Variants in ZNF480 observed in about 807,000 individuals in gnomAD.
The protein encoded by ZNF480 is zinc finger protein 480.
ZNF480 carries 15 observed loss-of-function variants against 14.4 expected under a neutral mutation model. The ratio of observed to expected loss-of-function variants is 1.04; its 90% confidence interval spans 0.70 to 1.60. The LOEUF (loss-of-function observed/expected upper bound fraction) is 1.60. ZNF480 is among the 40% of genes most tolerant of loss of function. The pLI, the probability that ZNF480 is intolerant of heterozygous loss-of-function variation, is 0.00. For missense variants in ZNF480, 593 were observed against 629.7 expected (o/e 0.94, Z 0.62); for synonymous variants, 218 against 215.5 (o/e 1.01, Z -0.10).
In ZNF480 at chr19:52,314,286, A is replaced by T. The variant is rs779443199; in HGVS notation, c.199+7A>T. 4 of 1,532,516 alleles carry T rather than the reference A, an allele frequency of 2.6e-6. No individual in the cohort carries two copies. In the African/African-American group the frequency reaches 4.2e-5, roughly 16 times the overall value. The allele number at this position is 1,532,516 out of a possible 1,614,324, so 94.9% of individuals were successfully genotyped here. The stretch of plus-strand genomic sequence containing the variant: ...AGGAACCTGGTCTCCCTGGGTGAGG[A>T]TCATGCCCCTGCAGAAGCCGGGATC... On this transcript the variant is annotated splice_region_variant and intron_variant, in intron 3 of 4. Coordinates refer to ENST00000595962, the MANE Select transcript of ZNF480 (RefSeq NM_144684.4).
At chr19:52,321,496 G>A in intron 4 of ZNF480, 83 bp from the exon 5 acceptor site, 4 of 1,183,900 alleles carry the variant, frequency 3.4e-6, no homozygotes, top group South Asian at 1.6e-5. Context: ...TGAGTCAGAT[G>A]AGGCAGATTC....
intron 4 of ZNF480, among the ~76,000 whole-genome samples, chr19:52,319,816 T>TG (rs1217307825): frequency 3.3e-4 from 32 of 98,406 alleles, no homozygotes; most frequent in African/African-American, 1.0e-3. Context: ...ACTGTGTTTT[T>TG]TTTTTTTTTT....
Position 52,325,139 on chromosome 19 carries a change from T to C in ZNF480, c.*2281T>C, listed in dbSNP as rs1984033803. On this transcript the variant is annotated 3_prime_UTR_variant, in exon 5 of 5. Coordinates refer to ENST00000595962, the MANE Select transcript of ZNF480 (RefSeq NM_144684.4). ...CCTTTCTCAAAAGAATACATACATG[T>C]GGCAATAAGCATATGAAAAAAATGG... The C allele has an allele frequency of 6.6e-6, 1 of 152,162 alleles. No individual in the cohort carries two copies. Among genetic ancestry groups the C allele is most frequent in the African/African-American group, 2.4e-5 (1 of 41,432 alleles). The allele number at this position is 152,162 out of a possible 1,614,324, so 9.4% of individuals were successfully genotyped here.
chr19:52,300,639 G>A (rs534530199), intron 2 of ZNF480, 155 bp downstream of exon 2: 49 of 1,315,656 alleles, frequency 3.7e-5, no homozygotes, highest in Non-Finnish European at 4.6e-5. Context: ...CAGCTTGGTC[G>A]TGGGGACCCT....
rs986652085 is a variant in ZNF480 at position 52,324,455 on chromosome 19, C to T, written c.*1597C>T. ...AAAACATTCTGAAATTTATTTGGAA[C>T]CAGAAAAGCCCAACCTAAATAGCAA... On this transcript the variant is annotated 3_prime_UTR_variant, in exon 5 of 5. Coordinates refer to ENST00000595962, the MANE Select transcript of ZNF480 (RefSeq NM_144684.4). 3.3e-5 allele frequency: 5 copies of T among 152,042 alleles called. No individual in the cohort carries two copies. The highest frequency in any genetic ancestry group is 3.3e-4 in the Admixed American group (5 of 15,238). The allele number at this position is 152,042 out of a possible 1,614,324, so 9.4% of individuals were successfully genotyped here. A position where few individuals can be genotyped will look rare whatever the true frequency, so the allele number is the denominator to read the frequency against.
intron 2 of ZNF480, among the ~76,000 whole-genome samples, chr19:52,310,974 C>A (rs1370656346): frequency 7.4e-6 from 1 of 135,230 alleles, no homozygotes; most frequent in East Asian, 2.1e-4. Context: ...CACTGGACTC[C>A]AGCCTGGGTG....
chr19:52,300,430 A>G lies in ZNF480; in HGVS notation c.18A>G (p.Lys6=). The change falls in exon 2 of 5, where the codon AAA becomes AAG. Residue 6 remains lysine (K), a synonymous_variant. Transcript: ENST00000595962. Reference sequence around the variant, plus strand: ...AAAGAGTCATGCTGTGTGATGAAAAAGCCCAGAAGAGAAGGAAGAGGAAAG... The same window carrying G: ...AAAGAGTCATGCTGTGTGATGAAAAGGCCCAGAAGAGAAGGAAGAGGAAAG... MLCDE[K]AQKRRKRKAK... 1.9e-6 allele frequency: 3 copies of G among 1,613,338 alleles called. No homozygotes were observed. The highest frequency in any genetic ancestry group is 2.5e-6 in the Non-Finnish European group (3 of 1,179,794).
intron 2 of ZNF480, chr19:52,301,762 C>A (rs933581949): frequency 6.6e-6 from 1 of 152,002 alleles, no homozygotes; most frequent in Non-Finnish European, 1.5e-5. Context: ...AATGAAACAC[C>A]GAGAGTACCT....
rs1189721337 is a variant in ZNF480, at chr19:52,325,180, A to G, written c.*2322A>G. 2 of 152,250 alleles carry G rather than the reference A, an allele frequency of 1.3e-5. No homozygotes were observed. Among genetic ancestry groups the G allele is most frequent in the Non-Finnish European group, 2.9e-5 (2 of 68,040 alleles). 9.4% of individuals were successfully genotyped at this position (152,250 alleles called of 1,614,324 possible). A position where few individuals can be genotyped will look rare whatever the true frequency, so the allele number is the denominator to read the frequency against. ...AAAAAAATGGTTAATATCGCTAATC[A>G]TTAAGGAAATGCAATCAAAGCCACA... is the stretch of plus-strand genomic sequence containing the variant. On this transcript the variant is annotated 3_prime_UTR_variant, in exon 5 of 5. Transcript: ENST00000595962.
At chr19:52,300,545 G>T (rs551073546) in intron 2 of ZNF480, 61 bp downstream of exon 2, 2 of 1,600,858 alleles carry the variant, frequency 1.2e-6, no homozygotes, top group Non-Finnish European at 1.7e-6. Context: ...CTGGGCCTTC[G>T]AGTTGGGAGT....
intron 2 of ZNF480, among the ~76,000 whole-genome samples, chr19:52,310,203 C>T (rs1404929758): frequency 1.3e-5 from 2 of 151,766 alleles, no homozygotes; most frequent in Non-Finnish European, 2.9e-5. Context: ...TTACAGGCAC[C>T]CACCACCATG....
rs922065067 is a variant in ZNF480 at position 52,321,823 on chromosome 19, A to G, written c.573A>G (p.Pro191=). The G allele has an allele frequency of 5.0e-6, 8 of 1,613,888 alleles. No individual in the cohort carries two copies. Among genetic ancestry groups the G allele is most frequent in the Admixed American group, 1.7e-5 (1 of 59,984 alleles). ...ATTTTGATGATTCTTCATTTCTCCC[A>G]CAAGAACAGAAAGTACACCTTAGAG... ...RNDFDDSSFL[P]QEQKVHLREK... The change falls in exon 5 of 5, where the codon CCA becomes CCG. Residue 191 remains proline, a synonymous_variant. Coordinates refer to ENST00000595962, the MANE Select transcript of ZNF480 (RefSeq NM_144684.4).
rs144028648 is a variant in ZNF480 at position 52,299,753 on chromosome 19, G to A, written c.-19-641G>A. On this transcript the variant is annotated intron_variant, in intron 1 of 4. Transcript: ENST00000595962. The stretch of plus-strand genomic sequence containing the variant: ...TTGTTGCCCAGGCTGGAGTGCAATG[G>A]CATGATCTCAGCTCACTGCAACATC... 3.1e-3 allele frequency among the ~76,000 whole-genome samples: 473 copies of A among 152,178 alleles called. 1 individual carries two copies. The highest frequency in any genetic ancestry group is 9.6e-3 in the African/African-American group (397 of 41,504).
intron 4 of ZNF480, among the ~76,000 whole-genome samples, chr19:52,317,157 A>G (rs543300549): frequency 3.3e-5 from 5 of 151,878 alleles, no homozygotes; most frequent in Admixed American, 6.6e-5. Context: ...AGCTAGGACT[A>G]CAGGTGCACA....
chr19:52,314,021 C>G, intron 2 of ZNF480, 132 bp from the exon 3 acceptor site: 1 of 1,021,928 alleles, frequency 9.8e-7, no homozygotes, highest in South Asian at 1.5e-5. Context: ...ATAACTACAT[C>G]ACAGATACCT....
chr19:52,324,203 C>T lies in ZNF480; in HGVS notation c.*1345C>T, dbSNP rs1983986201. On this transcript the variant is annotated 3_prime_UTR_variant, in exon 5 of 5. Transcript: ENST00000595962. The stretch of plus-strand genomic sequence containing the variant: ...AATGGAATCCCATTCACAGTAGCCA[C>T]AAAAAGTATAAAATACCTAGGAATA... 6.6e-6 allele frequency: 1 copy of T among 152,030 alleles called. No homozygotes were observed. The highest frequency in any genetic ancestry group is 1.5e-5 in the Non-Finnish European group (1 of 68,006). 9.4% of individuals were successfully genotyped at this position (152,030 alleles called of 1,614,324 possible).
chr19:52,314,691 C>G (rs1399485747), intron 3 of ZNF480, among the ~76,000 whole-genome samples: 1 of 151,514 alleles, frequency 6.6e-6, no homozygotes, highest in East Asian at 2.0e-4. Flanking sequence ...GTAATCCCAG[C>G]TACTTGGAAG....
chr19:52,324,900 G>A lies in ZNF480; in HGVS notation c.*2042G>A, dbSNP rs781668563. The A allele has an allele frequency of 3.9e-5, 6 of 152,124 alleles. No individual in the cohort carries two copies. The highest frequency in any genetic ancestry group is 8.8e-5 in the Non-Finnish European group (6 of 68,028). 9.4% of individuals were successfully genotyped at this position (152,124 alleles called of 1,614,324 possible). The stretch of plus-strand genomic sequence containing the variant: ...AAGACTTAATGATGAACACCCCAAA[G>A]CAATTGCAACAAAAACAAAAATTGA... On this transcript the variant is annotated 3_prime_UTR_variant, in exon 5 of 5. Transcript: ENST00000595962.
rs760772309 is a variant in ZNF480, at chr19:52,300,415, GCT to G, written c.4_5del (p.Leu2ValfsTer2). 2 of 1,510,614 alleles carry G rather than the reference GCT, an allele frequency of 1.3e-6. No homozygotes were observed. The highest frequency in any genetic ancestry group is 9.0e-7 in the Non-Finnish European group (1 of 1,111,628). 93.6% of individuals were successfully genotyped at this position (1,510,614 alleles called of 1,614,324 possible). A position where few individuals can be genotyped will look rare whatever the true frequency, so the allele number is the denominator to read the frequency against. On this transcript the variant is annotated frameshift_variant, in exon 2 of 5. Coordinates refer to ENST00000595962, the MANE Select transcript of ZNF480 (RefSeq NM_144684.4). LOFTEE classifies it high-confidence loss of function. ...TTAGGATTGACTTCTAAAGAGTCAT[GCT>G]GTGTGATGAAAAAGCCCAGAAGAGA... M[L>X]CDEKAQKRRK...
Sources: gnomAD v4.1 joint callset for allele counts (sites outside exome capture counted in the v4.1 genomes callset) on GRCh38, gnomAD v4.1.1 for gene constraint, MANE v1.5 for transcripts, NCBI Gene and HGNC (gene_info 2026-07-23, HGNC 2026-07-21) for gene names.